Variants in STIM1 observed in about 807,000 individuals in gnomAD.
The protein encoded by STIM1 is stromal interaction molecule 1.
A neutral mutation model predicts 74.7 loss-of-function variants in STIM1; 25 were observed. That is an observed-to-expected ratio of 0.33 (90% CI 0.24 to 0.47). STIM1 has a LOEUF of 0.47. Ranked by LOEUF, STIM1 falls within the 20% of genes least tolerant of loss-of-function variation. STIM1 has a pLI of 1.00. For missense variants in STIM1, 728 were observed against 920.8 expected, an observed-to-expected ratio of 0.79 and a Z score of 2.71; for synonymous variants, 328 against 348.8, an observed-to-expected ratio of 0.94 and a Z score of 0.66.
chr11:4,027,400 C>T (rs1042940536), intron 3 of STIM1, among the ~76,000 whole-genome samples: 1 of 152,102 alleles, frequency 6.6e-6, no homozygotes, highest in East Asian at 1.9e-4. Context: ...CCACCTCCGC[C>T]TCCCAGGTTC....
intron 2 of STIM1, among the ~76,000 whole-genome samples, chr11:3,980,680 CAAAAAA>C (rs1230147060): frequency 4.0e-5 from 6 of 149,124 alleles, no homozygotes; most frequent in African/African-American, 1.0e-4. Context: ...ACAACAACAA[CAAAAAA>C]AAACAAATAG....
At chr11:4,023,780 GT>G in intron 2 of STIM1, 92 bp from the exon 3 acceptor site, 1 of 854,336 alleles carries the variant, frequency 1.2e-6, no homozygotes. Context: ...GATGGAATGT[GT>G]TATGGCTAGC....
Position 4,031,428 on chromosome 11 carries a change from A to T in STIM1, c.385+7441A>T, listed in dbSNP as rs118140251. ...AAATACCTAGGAGTGGAATGACTAG[A>T]TGATATGGTAGGTATATGTTTTTAA... is the stretch of plus-strand genomic sequence containing the variant. On this transcript the variant is annotated intron_variant, in intron 3 of 12. Coordinates refer to ENST00000526596, the MANE Select transcript of STIM1 (RefSeq NM_001382567.1). Among the ~76,000 whole-genome samples the T allele has an allele frequency of 8.9e-3, 1,362 of 152,278 alleles. 28 individuals carry two copies. Among genetic ancestry groups the T allele is most frequent in the Admixed American group, 0.038 (582 of 15,292 alleles).
At chr11:3,953,215 A>G (rs1423828707) in intron 1 of STIM1, among the ~76,000 whole-genome samples, 2 of 152,166 alleles carry the variant, frequency 1.3e-5, no homozygotes, top group African/African-American at 4.8e-5. Context: ...GTTCTTCTCT[A>G]GTGATTCTTA....
intron 2 of STIM1, 141 bp from the exon 3 acceptor site, chr11:4,023,732 G>A (rs976561669): frequency 1.2e-5 from 8 of 687,366 alleles, no homozygotes; most frequent in Non-Finnish European, 2.1e-5. Context: ...GCATAAGGAA[G>A]GATACATGAG....
intron 1 of STIM1, among the ~76,000 whole-genome samples, chr11:3,926,551 AT>A (rs995729335): frequency 1.3e-5 from 2 of 152,236 alleles, no homozygotes; most frequent in Non-Finnish European, 2.9e-5. Context: ...TAATCCCTGA[AT>A]ATAAATAAAA....
intron 2 of STIM1, among the ~76,000 whole-genome samples, chr11:3,983,341 C>T (rs996987483): frequency 6.6e-6 from 1 of 152,192 alleles, no homozygotes; most frequent in Non-Finnish European, 1.5e-5. Context: ...TAACTGACAG[C>T]GAGGTTGCCT....
chr11:3,899,599 T>C (rs1289165907), intron 1 of STIM1, among the ~76,000 whole-genome samples: 1 of 150,706 alleles, frequency 6.6e-6, no homozygotes, highest in African/African-American at 2.4e-5. Flanking sequence ...TGTGCCAGTT[T>C]TCAAAGGGAA....
intron 3 of STIM1, among the ~76,000 whole-genome samples, chr11:4,032,697 T>A (rs1376047411): frequency 6.6e-6 from 1 of 152,226 alleles, no homozygotes; most frequent in African/African-American, 2.4e-5. Context: ...CTCTGGGTAC[T>A]ATTTTTTGGT....
chr11:4,024,371 T>C (rs148433124), intron 3 of STIM1, among the ~76,000 whole-genome samples: 151 of 152,320 alleles, frequency 9.9e-4, no homozygotes, highest in African/African-American at 3.5e-3. Context: ...TGCTGAGTCC[T>C]AGACAATTCA....
intron 1 of STIM1, among the ~76,000 whole-genome samples, chr11:3,939,541 T>G (rs1452527550): frequency 1.3e-5 from 2 of 152,190 alleles, no homozygotes; most frequent in Non-Finnish European, 2.9e-5. Flanking sequence ...TTTTTATTTG[T>G]CCACAATGTT....
At chr11:4,012,692 T>C (rs1364099046) in intron 2 of STIM1, among the ~76,000 whole-genome samples, 1 of 152,244 alleles carries the variant, frequency 6.6e-6, no homozygotes, top group African/African-American at 2.4e-5. Context: ...TGACTTCCTC[T>C]TTTCCTAATT....
chr11:4,091,998 T>C lies in STIM1; in HGVS notation c.*200T>C. On this transcript the variant is annotated 3_prime_UTR_variant, in exon 13 of 13. Coordinates refer to ENST00000526596, the MANE Select transcript of STIM1 (RefSeq NM_001382567.1). ...TATTAACTGACCACCATGGCCTGCC[T>C]GCCCTGCCTCCGTCCCAACCATGGG... is the stretch of plus-strand genomic sequence containing the variant. 4.2e-6 allele frequency: 3 copies of C among 721,242 alleles called. No individual in the cohort carries two copies. The allele number at this position is 721,242 out of a possible 1,614,324, so 44.7% of individuals were successfully genotyped here. A position where few individuals can be genotyped will look rare whatever the true frequency, so the allele number is the denominator to read the frequency against.
intron 1 of STIM1, among the ~76,000 whole-genome samples, chr11:3,923,993 GTTTATTTA>G (rs1244475595): frequency 6.6e-6 from 1 of 151,822 alleles, no homozygotes; most frequent in South Asian, 2.1e-4. Flanking sequence ...CATTTATTCA[GTTTATTTA>G]TTTATTTATT....
rs999168401 is a variant in STIM1, at chr11:3,868,977, C to CT, written c.139+12579dup. 1.9e-4 allele frequency among the ~76,000 whole-genome samples: 28 copies of CT among 147,616 alleles called. 1 individual carries two copies. Among genetic ancestry groups the CT allele is most frequent in the African/African-American group, 2.2e-4 (9 of 40,490 alleles). ...ATTGAGTACCTATTCTTTTCTCTCT[C>CT]TTTTTTTTTTTGACCGAGTCTCACT... is the stretch of plus-strand genomic sequence containing the variant. On this transcript the variant is annotated intron_variant, in intron 1 of 12. Coordinates refer to ENST00000526596, the MANE Select transcript of STIM1 (RefSeq NM_001382567.1).
chr11:3,977,306 C>T (rs774106329), intron 2 of STIM1, among the ~76,000 whole-genome samples: 2 of 152,146 alleles, frequency 1.3e-5, no homozygotes, highest in Non-Finnish European at 2.9e-5. Context: ...TGTGATCACA[C>T]ATTTTAGGGG....
chr11:3,964,676 A>T (rs2093322725), intron 1 of STIM1, among the ~76,000 whole-genome samples: 1 of 151,864 alleles, frequency 6.6e-6, no homozygotes, highest in African/African-American at 2.4e-5. Flanking sequence ...TACCTAGGAT[A>T]TGTGTGGATA....
chr11:4,022,419 C>A (rs181137371), intron 2 of STIM1, among the ~76,000 whole-genome samples: 1 of 151,268 alleles, frequency 6.6e-6, no homozygotes, highest in African/African-American at 2.4e-5. Flanking sequence ...AATTTTGATG[C>A]CTTTCTTCTT....
At chr11:4,083,228 G>C (rs1487251892) in intron 9 of STIM1, 35 bp from the exon 10 acceptor site, 1 of 1,605,966 alleles carries the variant, frequency 6.2e-7, no homozygotes, top group Non-Finnish European at 8.5e-7. Context: ...CTCACACCAA[G>C]TCCATGCCTG....
Sources: allele counts gnomAD v4.1 joint callset (sites outside exome capture counted in the v4.1 genomes callset), GRCh38; gene constraint gnomAD v4.1.1; transcripts MANE v1.5; gene names NCBI Gene and HGNC (gene_info 2026-07-23, HGNC 2026-07-21).